Variants in LRRC8A observed in about 807,000 individuals in gnomAD.
The protein encoded by LRRC8A is leucine rich repeat containing 8 VRAC subunit A.
In LRRC8A, 24 loss-of-function variants were observed where a neutral mutation model predicts 52.5. The observed-to-expected ratio is 0.46, with a 90% CI of 0.33 to 0.64. The LOEUF is 0.64. Ranked by LOEUF, LRRC8A falls within the 30% of genes least tolerant of loss-of-function variation. The pLI is 0.02. For synonymous variants in LRRC8A, 492 were observed against 494.2 expected (o/e 1.00, Z 0.06); for missense variants, 677 against 1,094.7 (o/e 0.62, Z 5.38).
chr9:128,909,424 C>G, intron 3 of LRRC8A, 103 bp downstream of exon 3: 1 of 1,158,248 alleles, frequency 8.6e-7, no homozygotes, highest in South Asian at 1.4e-5. Flanking sequence ...CCGTCGATGC[C>G]CCTGAGTGTG....
rs190419210 is a variant in LRRC8A, at chr9:128,907,137, C to T, written c.-8-20C>T. 7 of 1,582,366 alleles carry T rather than the reference C, an allele frequency of 4.4e-6. No individual in the cohort carries two copies. Among genetic ancestry groups the T allele is most frequent in the East Asian group, 2.3e-5 (1 of 44,338 alleles). On this transcript the variant is annotated intron_variant, in intron 2 of 3. Coordinates refer to ENST00000372600, the MANE Select transcript of LRRC8A (RefSeq NM_019594.4). The surrounding 1 kb of genome is among the most constrained non-coding windows in gnomAD (Gnocchi z 9.3). Reference sequence around the variant, plus strand: ...GCCAGGCCACCCTGTGCTAACCCCCCTCCTATGGCTCCCTTTTAGGTTGAA... The same window carrying T: ...GCCAGGCCACCCTGTGCTAACCCCCTTCCTATGGCTCCCTTTTAGGTTGAA...
rs922402152 is a variant in LRRC8A, at chr9:128,903,162, G to A, written c.-8-3995G>A. ...GCCTTAGCACCCCCATCTCTGGGAT[G>A]GGGCTATAGAGGCCTGGCCTCTTGG... On this transcript the variant is annotated intron_variant, in intron 2 of 3. Coordinates refer to ENST00000372600, the MANE Select transcript of LRRC8A (RefSeq NM_019594.4). 4.5e-4 allele frequency among the ~76,000 whole-genome samples: 68 copies of A among 152,184 alleles called. 1 individual carries two copies. The highest frequency in any genetic ancestry group is 4.4e-3 in the Admixed American group (67 of 15,280).
chr9:128,887,945 C>T (rs920464403), intron 2 of LRRC8A, among the ~76,000 whole-genome samples: 1 of 152,168 alleles, frequency 6.6e-6, no homozygotes, highest in Non-Finnish European at 1.5e-5. Flanking sequence ...CCCGGCTCCC[C>T]TGGACCTCTT....
intron 2 of LRRC8A, among the ~76,000 whole-genome samples, chr9:128,887,931 C>T (rs1223871484): frequency 3.3e-5 from 5 of 152,274 alleles, no homozygotes; most frequent in East Asian, 1.9e-4. Flanking sequence ...CATGAGCCAC[C>T]GCGCCCGGCT....
At chr9:128,898,084 G>A (rs1839891742) in intron 2 of LRRC8A, among the ~76,000 whole-genome samples, 1 of 100,006 alleles carries the variant, frequency 1.0e-5, no homozygotes, top group South Asian at 3.3e-4. Context: ...GTGTGTGTGT[G>A]TGTAATTTAT....
At chr9:128,915,824 G>T (rs1251764640) in intron 3 of LRRC8A, among the ~76,000 whole-genome samples, 1 of 152,166 alleles carries the variant, frequency 6.6e-6, no homozygotes, top group Non-Finnish European at 1.5e-5. Context: ...CCACATCAAG[G>T]GGGTAACAGA....
chr9:128,908,127 G>C lies in LRRC8A; in HGVS notation c.963G>C (p.Leu321=). 1 of 1,613,952 alleles carries C rather than the reference G, an allele frequency of 6.2e-7. No homozygotes were observed. Among genetic ancestry groups the C allele is most frequent in the South Asian group, 1.1e-5 (1 of 91,072 alleles). The change falls in exon 3 of 4, where the codon CTG becomes CTC. Residue 321 remains leucine, a synonymous_variant. Transcript: ENST00000372600. ...AHPLATLFKI[L]ASFYISLVIF... Reference sequence around the variant, plus strand: ...CCCTGGCCACACTCTTCAAGATCCTGGCGTCCTTCTACATCAGCCTAGTCA... The same window carrying C: ...CCCTGGCCACACTCTTCAAGATCCTCGCGTCCTTCTACATCAGCCTAGTCA...
chr9:128,906,780 G>T (rs191888513), intron 2 of LRRC8A, among the ~76,000 whole-genome samples: 1 of 152,280 alleles, frequency 6.6e-6, no homozygotes, highest in Non-Finnish European at 1.5e-5. Flanking sequence ...TGTCCCTCTG[G>T]TCAATCTGTT....
chr9:128,890,130 T>TTGTGTGTGTG (rs57721007), intron 2 of LRRC8A, among the ~76,000 whole-genome samples: 18,460 of 128,108 alleles, frequency 0.14, 1,760 homozygotes, highest in Middle Eastern at 0.18. Flanking sequence ...TGGCTTCATT[T>TTGTGTGTGTG]TGTGTGTGTG....
chr9:128,883,585 C>G (rs201083881), intron 1 of LRRC8A, among the ~76,000 whole-genome samples: 7 of 149,992 alleles, frequency 4.7e-5, no homozygotes, highest in Non-Finnish European at 7.4e-5. Flanking sequence ...GGATGAGTGA[C>G]TGGGTGGCTG....
rs1465435257 is a variant in LRRC8A at position 128,907,741 on chromosome 9, T to C, written c.577T>C (p.Ser193Pro). 1.9e-6 allele frequency: 3 copies of C among 1,612,662 alleles called. No homozygotes were observed. In the South Asian group the frequency reaches 3.3e-5, roughly 18 times the overall value. The stretch of plus-strand genomic sequence containing the variant: ...GCCGGCCTTCAGCAAGATGAATGGG[T>C]CCATGGACAAAAAGTCATCGACCGT... ...PKPAFSKMNG[S>P]MDKKSSTVSE... Residue 193 changes from serine (S) to proline (P), a missense_variant, in exon 3 of 4, where the codon TCC becomes CCC. Ser to Pro is a moderately conservative substitution (Grantham distance 74, BLOSUM62 -1). Around this residue, in one of 4 missense-constraint regions of LRRC8A, gnomAD observed 422 missense variants for 741.5 expected, o/e 0.57. Transcript: ENST00000372600. This position sits in a 1 kb window ranked among gnomAD's most constrained non-coding sequence, Gnocchi z 9.3.
At chr9:128,896,212 T>C (rs1265297724) in intron 2 of LRRC8A, among the ~76,000 whole-genome samples, 1 of 152,250 alleles carries the variant, frequency 6.6e-6, no homozygotes, top group Non-Finnish European at 1.5e-5. Context: ...TGGATCAACA[T>C]TGCTTTTGAG....
intron 3 of LRRC8A, among the ~76,000 whole-genome samples, chr9:128,913,604 G>A (rs538961863): frequency 6.6e-6 from 1 of 152,310 alleles, no homozygotes; most frequent in South Asian, 2.1e-4. Flanking sequence ...GGCATGTTCT[G>A]GGGAGGAGGC....
In LRRC8A at chr9:128,899,471, A is replaced by G. The variant is rs533677519; in HGVS notation, c.-8-7686A>G. ...CACTGTAAATCCAGGTTTGAACGCC[A>G]CCTCTGTCACTTATAGGCGGTATGA... On this transcript the variant is annotated intron_variant, in intron 2 of 3. Transcript: ENST00000372600. The surrounding 1 kb of genome is among the most constrained non-coding windows in gnomAD (Gnocchi z 4.0). Among the ~76,000 whole-genome samples the G allele has an allele frequency of 6.6e-6, 1 of 151,104 alleles. No individual in the cohort carries two copies. Among genetic ancestry groups the G allele is most frequent in the African/African-American group, 2.4e-5 (1 of 41,066 alleles).
chr9:128,895,050 C>T (rs1839771048), intron 2 of LRRC8A, among the ~76,000 whole-genome samples: 1 of 152,174 alleles, frequency 6.6e-6, no homozygotes, highest in African/African-American at 2.4e-5. Flanking sequence ...TGTTTTCTGT[C>T]TATTCACTTA....
In LRRC8A at chr9:128,882,157, A is replaced by G. The variant is rs1220069223; in HGVS notation, c.-209A>G. On this transcript the variant is annotated 5_prime_UTR_variant, in exon 1 of 4. Coordinates refer to ENST00000372600, the MANE Select transcript of LRRC8A (RefSeq NM_019594.4). Reference sequence around the variant, plus strand: ...TGAGTGGTGCAGTGAGGGACAAACAAAAGGAGGCGCCGGAGCAGCGCTGCG... The same window carrying G: ...TGAGTGGTGCAGTGAGGGACAAACAGAAGGAGGCGCCGGAGCAGCGCTGCG... 1 of 152,244 alleles carries G rather than the reference A, an allele frequency of 6.6e-6. No individual in the cohort carries two copies. Among genetic ancestry groups the G allele is most frequent in the Non-Finnish European group, 1.5e-5 (1 of 68,074 alleles). The allele number at this position is 152,244 out of a possible 1,614,324, so 9.4% of individuals were successfully genotyped here. A position where few individuals can be genotyped will look rare whatever the true frequency, so the allele number is the denominator to read the frequency against.
chr9:128,911,438 C>T lies in LRRC8A; in HGVS notation c.2157+2117C>T, dbSNP rs972472086. On this transcript the variant is annotated intron_variant, in intron 3 of 3. Coordinates refer to ENST00000372600, the MANE Select transcript of LRRC8A (RefSeq NM_019594.4). The surrounding 1 kb of genome is among the most constrained non-coding windows in gnomAD (Gnocchi z 4.9). ...ACTGGAGTCCCCTGGGGAGAAGCCA[C>T]ATTTGGGAAGCACAGAACAAACCCA... Among the ~76,000 whole-genome samples, 2 of 152,246 alleles carry T rather than the reference C, an allele frequency of 1.3e-5. No individual in the cohort carries two copies. The highest frequency in any genetic ancestry group is 2.9e-5 in the Non-Finnish European group (2 of 68,030).
chr9:128,888,474 T>A (rs1166115909), intron 2 of LRRC8A, among the ~76,000 whole-genome samples: 1 of 152,150 alleles, frequency 6.6e-6, no homozygotes, highest in Non-Finnish European at 1.5e-5. Flanking sequence ...CTGACTCAGT[T>A]TACCCTTGCT....
chr9:128,908,478 C>A lies in LRRC8A; in HGVS notation c.1314C>A (p.Ile438=). The change falls in exon 3 of 4, where the codon ATC becomes ATA. Residue 438 remains isoleucine (I), a synonymous_variant. Transcript: ENST00000372600. The part of the protein sequence containing the change: ...LELHLFMLSG[I]PDTVFDLVEL... ...TGCACCTGTTCATGCTCAGTGGCAT[C>A]CCTGACACTGTGTTTGACCTGGTGG... 2 of 1,613,134 alleles carry A rather than the reference C, an allele frequency of 1.2e-6. No homozygotes were observed. The highest frequency in any genetic ancestry group is 1.7e-6 in the Non-Finnish European group (2 of 1,180,004).
Sources: allele counts gnomAD v4.1 joint callset (sites outside exome capture counted in the v4.1 genomes callset), GRCh38; gene constraint gnomAD v4.1.1; regional missense constraint gnomAD v4.1.1; non-coding constraint Gnocchi (gnomAD v3.1); transcripts MANE v1.5; gene names NCBI Gene and HGNC (gene_info 2026-07-23, HGNC 2026-07-21).